NRXN1: variants seen among roughly 807,000 people sequenced by gnomAD.
NRXN1 encodes neurexin-1.
A neutral mutation model predicts 150.9 loss-of-function variants in NRXN1; 39 were observed. That is an observed-to-expected ratio of 0.26 (90% CI 0.20 to 0.34). The LOEUF (loss-of-function observed/expected upper bound fraction) is 0.34, where lower values mean the gene tolerates loss of function less well. Among genes scored for constraint, NRXN1 ranks in the 10% least tolerant of loss-of-function variants. The pLI is 1.00. For synonymous variants in NRXN1, 924 were observed against 757.0 expected, an observed-to-expected ratio of 1.22 and a Z score of -3.62; for missense variants, 1,815 against 1,949.9, an observed-to-expected ratio of 0.93 and a Z score of 1.30.
At chr2:50,592,460 G>C (rs893224956) in intron 8 of NRXN1, among the ~76,000 whole-genome samples, 2 of 152,208 alleles carry the variant, frequency 1.3e-5, no homozygotes, top group East Asian at 3.9e-4. Context: ...TATGAGCTGA[G>C]AGACAGTCCC....
intron 2 of NRXN1, among the ~76,000 whole-genome samples, chr2:50,978,290 AT>A (rs1455666869): frequency 3.7e-5 from 5 of 133,848 alleles, no homozygotes; most frequent in Admixed American, 3.0e-4. Flanking sequence ...ATATATATAT[AT>A]ATATATATAT....
intron 18 of NRXN1, among the ~76,000 whole-genome samples, chr2:50,173,790 A>C (rs1029849654): frequency 5.3e-5 from 8 of 152,128 alleles, no homozygotes; most frequent in Admixed American, 5.2e-4. Context: ...AATTCAGTTG[A>C]TATATTAAAT....
chr2:50,535,089 T>A (rs10490226), intron 10 of NRXN1, among the ~76,000 whole-genome samples: 3,782 of 152,266 alleles, frequency 0.025, 55 homozygotes, highest in East Asian at 0.066. Context: ...TTCCTCACAA[T>A]TAGAGTTAAT....
At chr2:50,391,551 T>G (rs112703825) in intron 17 of NRXN1, among the ~76,000 whole-genome samples, 1,717 of 152,294 alleles carry the variant, frequency 0.011, 29 homozygotes, top group African/African-American at 0.039. Flanking sequence ...TTTGAAAATC[T>G]AATACATGAT....
At chr2:50,737,142 C>A (rs1012267793) in intron 5 of NRXN1, among the ~76,000 whole-genome samples, 2 of 151,938 alleles carry the variant, frequency 1.3e-5, no homozygotes. Context: ...GCCTGTAATC[C>A]CAGCTACTTG....
chr2:50,941,485 T>C (rs1253736323), intron 2 of NRXN1, among the ~76,000 whole-genome samples: 1 of 152,102 alleles, frequency 6.6e-6, no homozygotes, highest in East Asian at 1.9e-4. Flanking sequence ...AACAATGAAG[T>C]CCAGGCTGAG....
chr2:50,085,755 T>C (rs116223239), intron 19 of NRXN1, among the ~76,000 whole-genome samples: 2,637 of 152,152 alleles, frequency 0.017, 89 homozygotes, highest in African/African-American at 0.061. Context: ...ACCCATAAGA[T>C]AGTCTTGTGT....
At chr2:50,599,566 A>G (rs1055055837) in intron 8 of NRXN1, among the ~76,000 whole-genome samples, 1 of 152,232 alleles carries the variant, frequency 6.6e-6, no homozygotes, top group Admixed American at 6.5e-5. Context: ...GTATTGCATG[A>G]AAGAGGACTT....
intron 5 of NRXN1, among the ~76,000 whole-genome samples, chr2:50,910,405 C>T (rs62142960): frequency 0.089 from 13,597 of 151,996 alleles, 677 homozygotes; most frequent in South Asian, 0.12. Context: ...ACTATCTGTG[C>T]TTTACAAATG....
At chr2:50,384,228 C>G (rs575429551) in intron 17 of NRXN1, among the ~76,000 whole-genome samples, 11 of 152,046 alleles carry the variant, frequency 7.2e-5, no homozygotes, top group Non-Finnish European at 1.6e-4. Flanking sequence ...CATTCTCAGC[C>G]GGGTGCGGTG....
At chr2:50,014,486 A>G (rs1450452554) in intron 21 of NRXN1, among the ~76,000 whole-genome samples, 4 of 152,054 alleles carry the variant, frequency 2.6e-5, no homozygotes, top group African/African-American at 4.8e-5. Flanking sequence ...ACTTCTATTC[A>G]CCAGATGCCA....
rs193174003 is a variant in NRXN1 at position 50,511,122 on chromosome 2, G to C, written c.2375-4505C>G. ...GTTGCTCAGGCTAGAGTGCAGTGGT[G>C]CAATCTCGGCTCACTGCAACCTCTG... On this transcript the variant is annotated intron_variant, in intron 12 of 22. Coordinates refer to ENST00000401669, the MANE Select transcript of NRXN1 (RefSeq NM_001330078.2). Among the ~76,000 whole-genome samples the C allele has an allele frequency of 4.9e-3, 738 of 152,046 alleles. 5 individuals are homozygous for C. Among genetic ancestry groups the C allele is most frequent in the African/African-American group, 0.017 (708 of 41,446 alleles).
At position 49,963,035 on chromosome 2, in the gene NRXN1, T is replaced by A. The variant is rs17039579; in HGVS notation, c.4129-19244A>T. 6.6e-3 allele frequency among the ~76,000 whole-genome samples: 998 copies of A among 152,024 alleles called. 9 individuals are homozygous for A. Among genetic ancestry groups the A allele is most frequent in the African/African-American group, 0.022 (924 of 41,494 alleles). On this transcript the variant is annotated intron_variant, in intron 21 of 22. Coordinates refer to ENST00000401669, the MANE Select transcript of NRXN1 (RefSeq NM_001330078.2). ...AACTGACAAAATAAAACAGGAAATA[T>A]CACGGATTCACTAAAAATTAAATAT... is the stretch of plus-strand genomic sequence containing the variant.
chr2:50,631,530 T>C (rs1682324181), intron 5 of NRXN1: 1 of 152,254 alleles, frequency 6.6e-6, no homozygotes, highest in Non-Finnish European at 1.5e-5. Context: ...AGTCTCAGGT[T>C]CTTCCTAATT....
intron 5 of NRXN1, among the ~76,000 whole-genome samples, chr2:50,784,872 C>T (rs934466779): frequency 6.6e-6 from 1 of 152,010 alleles, no homozygotes; most frequent in Non-Finnish European, 1.5e-5. Context: ...ATCCTCTCTC[C>T]AGGGGCGTCT....
At chr2:50,300,323 C>T (rs1376747384) in intron 17 of NRXN1, among the ~76,000 whole-genome samples, 1 of 152,284 alleles carries the variant, frequency 6.6e-6, no homozygotes, top group East Asian at 1.9e-4. Flanking sequence ...TACTTGTTGT[C>T]ACAGAACTGA....
chr2:50,007,455 C>T (rs898649532), intron 21 of NRXN1, among the ~76,000 whole-genome samples: 1 of 152,082 alleles, frequency 6.6e-6, no homozygotes, highest in African/African-American at 2.4e-5. Flanking sequence ...TTGTTCAAAT[C>T]CCACTTATGA....
chr2:50,593,225 T>C (rs1293075419), intron 8 of NRXN1, among the ~76,000 whole-genome samples: 3 of 152,214 alleles, frequency 2.0e-5, no homozygotes, highest in Non-Finnish European at 2.9e-5. Flanking sequence ...TTACCCAATC[T>C]TATGTAAATG....
intron 8 of NRXN1, 83 bp downstream of exon 8, chr2:50,619,939 G>T: frequency 7.9e-7 from 1 of 1,260,558 alleles, no homozygotes; most frequent in Non-Finnish European, 1.1e-6. Context: ...GGAACATCGG[G>T]TCTTCAGCAA....
Sources: gnomAD v4.1 joint callset for allele counts (sites outside exome capture counted in the v4.1 genomes callset) on GRCh38, gnomAD v4.1.1 for gene constraint, MANE v1.5 for transcripts, NCBI Gene and HGNC (gene_info 2026-07-23, HGNC 2026-07-21) for gene names.